Variants in L3MBTL4 observed in about 807,000 individuals in gnomAD.
L3MBTL4 encodes the protein lethal(3)malignant brain tumor-like protein 4.
In L3MBTL4, 70 loss-of-function variants were observed where a neutral mutation model predicts 84.5. The observed-to-expected ratio is 0.83, with a 90% confidence interval of 0.68 to 1.01. L3MBTL4 has a LOEUF of 1.01. Among genes scored for constraint, L3MBTL4 ranks in the 50% least tolerant of loss-of-function variants. The pLI is 0.00. For synonymous variants in L3MBTL4, 274 were observed against 259.8 expected (o/e 1.05, Z -0.52); for missense variants, 715 against 754.8 (o/e 0.95, Z 0.62).
At chr18:6,345,997 G>A (rs1366664821) in intron 1 of L3MBTL4, among the ~76,000 whole-genome samples, 2 of 151,228 alleles carry the variant, frequency 1.3e-5, no homozygotes, top group African/African-American at 4.9e-5. Flanking sequence ...GAACAGAATG[G>A]AGCGCCAAGA....
chr18:6,266,409 C>T (rs79884520), intron 4 of L3MBTL4, among the ~76,000 whole-genome samples: 1,936 of 152,250 alleles, frequency 0.013, 37 homozygotes, highest in African/African-American at 0.042. Flanking sequence ...CATCAGAAAA[C>T]GCTGAGTCCT....
intron 12 of L3MBTL4, among the ~76,000 whole-genome samples, chr18:6,200,179 A>C (rs767346234): frequency 5.3e-5 from 8 of 152,248 alleles, no homozygotes; most frequent in Non-Finnish European, 1.0e-4. Context: ...TTAGGTGCAA[A>C]TGAGAAATAA....
intron 16 of L3MBTL4, among the ~76,000 whole-genome samples, chr18:6,023,435 C>T (rs1465976350): frequency 2.0e-5 from 3 of 152,116 alleles, no homozygotes; most frequent in East Asian, 1.9e-4. Flanking sequence ...TTTGATAGAA[C>T]GAAGAACATT....
intron 2 of L3MBTL4, 79 bp downstream of exon 2, chr18:6,311,919 T>C (rs2050854700): frequency 6.7e-6 from 2 of 296,604 alleles, no homozygotes; most frequent in East Asian, 7.9e-5. Context: ...TTATCTGGGA[T>C]AAAATGTTTG....
chr18:6,041,906 T>C (rs546562311), intron 16 of L3MBTL4, among the ~76,000 whole-genome samples: 3 of 151,734 alleles, frequency 2.0e-5, no homozygotes, highest in African/African-American at 4.9e-5. Flanking sequence ...TTTTTTGGTA[T>C]GGATGGGGGT....
At chr18:6,315,123 G>A (rs2051030800) in intron 1 of L3MBTL4, among the ~76,000 whole-genome samples, 2 of 152,308 alleles carry the variant, frequency 1.3e-5, no homozygotes, top group South Asian at 4.1e-4. Flanking sequence ...GTTCACAGGA[G>A]GGACACTATG....
rs947211786 is a variant in L3MBTL4, at chr18:5,978,588, G to A, written c.1445-9026C>T. 7.2e-5 allele frequency among the ~76,000 whole-genome samples: 11 copies of A among 152,026 alleles called. No individual in the cohort carries two copies. The East Asian group carries it at 9.6e-4, about 13-fold the overall frequency. ...CTTCTTTTTAGGCATCCTCCTGCCC[G>A]GTCACTTCCTACCCTGCTCTCCACG... is the stretch of plus-strand genomic sequence containing the variant. On this transcript the variant is annotated intron_variant, in intron 16 of 18. Coordinates refer to ENST00000317931, the MANE Select transcript of L3MBTL4 (RefSeq NM_001330559.2).
chr18:6,351,555 T>C, intron 1 of L3MBTL4, among the ~76,000 whole-genome samples: 1 of 148,346 alleles, frequency 6.7e-6, no homozygotes, highest in Admixed American at 6.7e-5. Flanking sequence ...ATGTGGATTT[T>C]TTATTTTTTT....
chr18:6,035,818 T>C (rs907042799), intron 16 of L3MBTL4, among the ~76,000 whole-genome samples: 7 of 152,168 alleles, frequency 4.6e-5, no homozygotes, highest in African/African-American at 7.2e-5. Flanking sequence ...TTTATAGCAC[T>C]AAATGCCCAC....
intron 1 of L3MBTL4, among the ~76,000 whole-genome samples, chr18:6,329,701 T>G (rs2051925445): frequency 6.6e-6 from 1 of 152,284 alleles, no homozygotes; most frequent in East Asian, 1.9e-4. Flanking sequence ...GCTGAGCACG[T>G]TGGCTCATGT....
At chr18:5,990,301 C>T (rs1237632249) in intron 16 of L3MBTL4, among the ~76,000 whole-genome samples, 1 of 152,134 alleles carries the variant, frequency 6.6e-6, no homozygotes, top group Non-Finnish European at 1.5e-5. Flanking sequence ...TGTTTAAGTG[C>T]CTAGTTATAT....
At chr18:6,010,737 T>A (rs181650456) in intron 16 of L3MBTL4, among the ~76,000 whole-genome samples, 115 of 152,240 alleles carry the variant, frequency 7.6e-4, no homozygotes, top group Non-Finnish European at 1.2e-3. Context: ...TTTATTTTTT[T>A]AAAAAAAGCA....
chr18:6,222,574 C>G (rs573278220), intron 10 of L3MBTL4, among the ~76,000 whole-genome samples: 1 of 152,140 alleles, frequency 6.6e-6, no homozygotes, highest in Non-Finnish European at 1.5e-5. Flanking sequence ...CTCTCTGTCT[C>G]TCAATACTTA....
chr18:6,104,680 C>T (rs991184798), intron 14 of L3MBTL4, among the ~76,000 whole-genome samples: 1 of 152,096 alleles, frequency 6.6e-6, no homozygotes, highest in East Asian at 1.9e-4. Flanking sequence ...GTAAGCAATA[C>T]TGTATTTGTA....
In L3MBTL4 at chr18:6,132,543, C is replaced by G. The variant is rs77905741; in HGVS notation, c.1199+5651G>C. Among the ~76,000 whole-genome samples, 585 of 152,348 alleles carry G rather than the reference C, an allele frequency of 3.8e-3. 4 individuals are homozygous for G. Among genetic ancestry groups the G allele is most frequent in the African/African-American group, 0.014 (567 of 41,580 alleles). ...CTCCCTAAAAATGCCCCATTCTTCTCACTATCACACCTTCAGTATTTCATT... is the reference window on the plus strand; with the variant it reads ...CTCCCTAAAAATGCCCCATTCTTCTGACTATCACACCTTCAGTATTTCATT... On this transcript the variant is annotated intron_variant, in intron 14 of 18. Transcript: ENST00000317931.
intron 16 of L3MBTL4, among the ~76,000 whole-genome samples, chr18:5,996,216 C>G (rs1207957750): frequency 2.0e-5 from 3 of 152,164 alleles, no homozygotes; most frequent in Admixed American, 1.3e-4. Context: ...CGTTCTGGAA[C>G]AGTGGTTGGC....
At chr18:6,262,609 C>T (rs1248049068) in intron 5 of L3MBTL4, among the ~76,000 whole-genome samples, 1 of 152,146 alleles carries the variant, frequency 6.6e-6, no homozygotes. Context: ...GGCCCAGCCC[C>T]TGAGGGTCTG....
chr18:6,003,757 T>C (rs554044437), intron 16 of L3MBTL4, among the ~76,000 whole-genome samples: 1 of 151,992 alleles, frequency 6.6e-6, no homozygotes, highest in South Asian at 2.1e-4. Context: ...AAACTGGAGA[T>C]TAAACAACAC....
At chr18:6,368,738 T>C (rs1398051766) in intron 1 of L3MBTL4, among the ~76,000 whole-genome samples, 3 of 152,106 alleles carry the variant, frequency 2.0e-5, no homozygotes, top group African/African-American at 4.8e-5. Flanking sequence ...ATTATTAATA[T>C]TAATAAAAGT....
Sources: gnomAD v4.1 joint callset for allele counts (sites outside exome capture counted in the v4.1 genomes callset) on GRCh38, gnomAD v4.1.1 for gene constraint, MANE v1.5 for transcripts, NCBI Gene and HGNC (gene_info 2026-07-23, HGNC 2026-07-21) for gene names.